ATAD5: variants seen among roughly 807,000 people sequenced by gnomAD.
ATAD5 encodes ATPase family AAA domain containing 5.
In ATAD5, 58 loss-of-function variants were observed where a neutral mutation model predicts 176.9. That is an observed-to-expected ratio of 0.33 (90% CI 0.27 to 0.41). The LOEUF is 0.41. ATAD5 is among the 10% of genes least tolerant of loss of function. ATAD5 has a pLI of 1.00. For missense variants in ATAD5, 1,789 were observed against 2,094.1 expected (o/e 0.85, Z 2.84); for synonymous variants, 640 against 712.6 (o/e 0.90, Z 1.62).
intron 6 of ATAD5, among the ~76,000 whole-genome samples, chr17:30,846,670 G>A (rs1906524711): frequency 6.6e-6 from 1 of 151,594 alleles, no homozygotes. Flanking sequence ...CAAAGTGCTG[G>A]GATTATAGGC....
At chr17:30,889,886 CTTTTT>C (rs60266614) in intron 19 of ATAD5, among the ~76,000 whole-genome samples, 2 of 95,718 alleles carry the variant, frequency 2.1e-5, no homozygotes, top group African/African-American at 8.7e-5. Context: ...TCTTTTCTTT[CTTTTT>C]TTTTTTTTTT....
intron 18 of ATAD5, among the ~76,000 whole-genome samples, chr17:30,883,535 TGTA>T (rs1909146586): frequency 6.6e-6 from 1 of 152,070 alleles, no homozygotes; most frequent in Non-Finnish European, 1.5e-5. Context: ...GTAAAAGAAA[TGTA>T]GTAAAATTAA....
chr17:30,835,146 A>T lies in ATAD5; in HGVS notation c.1065A>T (p.Leu355Phe), dbSNP rs762513598. The T allele has an allele frequency of 5.6e-6, 9 of 1,614,044 alleles. No homozygotes were observed. In the East Asian group the frequency reaches 1.8e-4, roughly 32 times the overall value. Residue 355 changes from leucine to phenylalanine, a missense_variant, in exon 2 of 23, where the codon TTA becomes TTT. Physicochemically the swap from Leu to Phe is conservative, Grantham distance 22. Coordinates refer to ENST00000321990, the MANE Select transcript of ATAD5 (RefSeq NM_024857.5). The stretch of plus-strand genomic sequence containing the variant: ...AGCAATTTGAAATGGAAAATAGTTT[A>T]TCTGATCCTGAGAATGAACAGACAG... Reference protein sequence around the residue: ...KQKQFEMENSLSDPENEQTVQ... With the variant: ...KQKQFEMENSFSDPENEQTVQ...
At chr17:30,861,440 G>A (rs1907629541) in intron 10 of ATAD5, among the ~76,000 whole-genome samples, 1 of 151,620 alleles carries the variant, frequency 6.6e-6, no homozygotes, top group Admixed American at 6.6e-5. Context: ...GAACCTCACG[G>A]ATTATGGGCT....
chr17:30,865,482 T>A (rs1172839277), intron 10 of ATAD5, among the ~76,000 whole-genome samples: 2 of 152,124 alleles, frequency 1.3e-5, no homozygotes, highest in African/African-American at 4.8e-5. Context: ...AACACTTTAA[T>A]ATTTTAATAA....
At chr17:30,865,267 G>A (rs564318983) in intron 10 of ATAD5, among the ~76,000 whole-genome samples, 208 of 151,872 alleles carry the variant, frequency 1.4e-3, no homozygotes, top group Non-Finnish European at 1.1e-3. Context: ...CCGCCTCCCG[G>A]GTTCACACCA....
At chr17:30,889,619 C>T (rs1909515020) in intron 19 of ATAD5, among the ~76,000 whole-genome samples, 1 of 151,370 alleles carries the variant, frequency 6.6e-6, no homozygotes, top group Non-Finnish European at 1.5e-5. Flanking sequence ...TTTCAGTCAT[C>T]ATTGTTACCT....
chr17:30,853,181 C>T (rs1406450725), intron 6 of ATAD5, among the ~76,000 whole-genome samples: 7 of 152,032 alleles, frequency 4.6e-5, no homozygotes, highest in African/African-American at 1.2e-4. Flanking sequence ...TGAGCCACTG[C>T]GCCTGGCCTG....
chr17:30,860,142 G>GC (rs746130675), intron 9 of ATAD5, among the ~76,000 whole-genome samples: 12 of 152,178 alleles, frequency 7.9e-5, no homozygotes, highest in Non-Finnish European at 1.8e-4. Context: ...TCCCACCTCA[G>GC]CCTCCCAAGT....
chr17:30,846,396 GT>G (rs11324585), intron 6 of ATAD5, among the ~76,000 whole-genome samples: 34,164 of 143,104 alleles, frequency 0.24, 6,044 homozygotes, highest in African/African-American at 0.51. Flanking sequence ...AGAGTTTGAG[GT>G]TTTTTTTTTT....
At chr17:30,884,894 CCCA>C (rs1245354833) in intron 18 of ATAD5, among the ~76,000 whole-genome samples, 6 of 151,730 alleles carry the variant, frequency 4.0e-5, no homozygotes, top group Non-Finnish European at 7.4e-5. Flanking sequence ...ACTACAGGCG[CCCA>C]CCACCACGCC....
At chr17:30,859,859 G>C (rs1342816598) in intron 9 of ATAD5, among the ~76,000 whole-genome samples, 1 of 146,202 alleles carries the variant, frequency 6.8e-6, no homozygotes, top group Non-Finnish European at 1.5e-5. Flanking sequence ...AGGTAGCTGA[G>C]ATTACAGGCA....
At chr17:30,858,002 C>A (rs535398287) in intron 8 of ATAD5, among the ~76,000 whole-genome samples, 159 bp from the exon 9 acceptor site, 1 of 152,200 alleles carries the variant, frequency 6.6e-6, no homozygotes, top group South Asian at 2.1e-4. Flanking sequence ...TCTTGGCCTC[C>A]CAAAGTGCTG....
rs140139079 is a variant in ATAD5, at chr17:30,892,690, C to T, written c.4342C>T (p.Arg1448Cys). 5,070 of 1,604,466 alleles carry T rather than the reference C, an allele frequency of 3.2e-3. 33 individuals are homozygous for T. The highest frequency in any genetic ancestry group is 0.011 in the South Asian group (941 of 88,816). ...TTACCCTAAAAATACTAAAAAGAAA[C>T]GTGTAGACCTTCCAAAATGTGACAG... ...KIYPKNTKKK[R>C]VDLPKCDSGC... Residue 1448 changes from arginine (R) to cysteine (C), a missense_variant, in exon 20 of 23, where the codon CGT becomes TGT. Around this residue, in one of 6 missense-constraint regions of ATAD5, gnomAD observed 403 missense variants for 495.1 expected, o/e 0.81. Transcript: ENST00000321990.
chr17:30,895,096 G>T lies in ATAD5; in HGVS notation c.*183G>T. On this transcript the variant is annotated 3_prime_UTR_variant, in exon 23 of 23. Coordinates refer to ENST00000321990, the MANE Select transcript of ATAD5 (RefSeq NM_024857.5). ...TGAGTTACAAATTTTATATATGATT[G>T]TAATTTTTTTTCTGAATTTTTTGTA... 3 of 445,622 alleles carry T rather than the reference G, an allele frequency of 6.7e-6. No homozygotes were observed. The highest frequency in any genetic ancestry group is 1.3e-4 in the South Asian group (2 of 15,538). The allele number at this position is 445,622 out of a possible 1,614,324, so 27.6% of individuals were successfully genotyped here.
chr17:30,874,301 G>T (rs1469530993), intron 14 of ATAD5, among the ~76,000 whole-genome samples: 1 of 151,850 alleles, frequency 6.6e-6, no homozygotes, highest in African/African-American at 2.4e-5. Flanking sequence ...CCAGCACTTT[G>T]GGAGGCTGAG....
In ATAD5 at chr17:30,835,867, A is replaced by C. The variant is rs180793649; in HGVS notation, c.1786A>C (p.Arg596=). 1.7e-5 allele frequency: 28 copies of C among 1,614,084 alleles called. No homozygotes were observed. The East Asian group carries it at 3.1e-4, about 18-fold the overall frequency. Residue 596 remains arginine (R), a synonymous_variant, in exon 2 of 23, where the codon AGA becomes CGA. Transcript: ENST00000321990. ...TGTTTCCACGCCCAAGTCAACTAGA[A>C]GATCTGGAAGAATTAGCAGCACACC... ...LNVSTPKSTR[R]SGRISSTPTT...
intron 6 of ATAD5, among the ~76,000 whole-genome samples, chr17:30,846,430 G>A (rs1906507983): frequency 6.8e-6 from 1 of 146,476 alleles, no homozygotes; most frequent in Admixed American, 6.9e-5. Flanking sequence ...TTTAGACGGA[G>A]TCTCACTCTG....
At chr17:30,847,290 T>G (rs1906566749) in intron 6 of ATAD5, among the ~76,000 whole-genome samples, 2 of 151,906 alleles carry the variant, frequency 1.3e-5, no homozygotes, top group African/African-American at 4.8e-5. Context: ...TTTTCGTAGT[T>G]AAGTAGTACT....
Sources: allele counts gnomAD v4.1 joint callset (sites outside exome capture counted in the v4.1 genomes callset), GRCh38; gene constraint gnomAD v4.1.1; regional missense constraint gnomAD v4.1.1; transcripts MANE v1.5; gene names NCBI Gene and HGNC (gene_info 2026-07-23, HGNC 2026-07-21).